BRAP: variants seen among roughly 807,000 people sequenced by gnomAD.
BRAP encodes BRCA1 associated protein.
A neutral mutation model predicts 73.4 loss-of-function variants in BRAP; 42 were observed. That is an observed-to-expected ratio of 0.57 (90% CI 0.45 to 0.74). BRAP has a LOEUF of 0.74. Among genes scored for constraint, BRAP ranks in the 30% least tolerant of loss-of-function variants. The pLI is 0.00. For missense variants in BRAP, 593 were observed against 751.4 expected, an observed-to-expected ratio of 0.79 and a Z score of 2.46; for synonymous variants, 255 against 267.4, an observed-to-expected ratio of 0.95 and a Z score of 0.45.
In BRAP at chr12:111,659,247, G is replaced by A; in HGVS notation, c.1071C>T (p.Ala357=). 6.2e-7 allele frequency: 1 copy of A among 1,614,122 alleles called. No individual in the cohort carries two copies. The highest frequency in any genetic ancestry group is 8.5e-7 in the Non-Finnish European group (1 of 1,180,006). Reference sequence around the variant, plus strand: ...AGACTCGATGGTTGGTAAGCTGCATGGCATACGTGTGCTGCGTTTCCTCAA... The same window carrying A: ...AGACTCGATGGTTGGTAAGCTGCATAGCATACGTGTGCTGCGTTTCCTCAA... The part of the protein sequence containing the change: ...KHFEETQHTY[A]MQLTNHRVWD... Residue 357 remains alanine (A), a synonymous_variant, in exon 8 of 12, where the codon GCC becomes GCT. Transcript: ENST00000419234.
At chr12:111,650,163 G>C in intron 10 of BRAP, 121 bp from the exon 11 acceptor site, 1 of 529,342 alleles carries the variant, frequency 1.9e-6, no homozygotes, top group Non-Finnish European at 3.1e-6. Flanking sequence ...CAAAATTAGA[G>C]AAGGTGAGAT....
intron 5 of BRAP, among the ~76,000 whole-genome samples, chr12:111,667,927 G>A (rs1278401977): frequency 6.6e-6 from 1 of 151,718 alleles, no homozygotes; most frequent in African/African-American, 2.4e-5. Context: ...AAGAAAGCTG[G>A]GGCTGGCACG....
At position 111,655,599 on chromosome 12, in the gene BRAP, C is replaced by T; in HGVS notation, c.1278G>A (p.Lys426=). 6.2e-7 allele frequency: 1 copy of T among 1,613,830 alleles called. No individual in the cohort carries two copies. The part of the protein sequence containing the change: ...LESQRIYWEN[K]IVRIEKDTAE... Reference sequence around the variant, plus strand: ...CTGTGTCCTTCTCTATCCGAACTATCTTGTTTTCCCAGTAGATTCGCTGAG... The same window carrying T: ...CTGTGTCCTTCTCTATCCGAACTATTTTGTTTTCCCAGTAGATTCGCTGAG... Residue 426 remains lysine (K), a synonymous_variant, in exon 10 of 12, where the codon AAG becomes AAA. Coordinates refer to ENST00000419234, the MANE Select transcript of BRAP (RefSeq NM_006768.5).
rs1446052957 is a variant in BRAP at position 111,683,212 on chromosome 12, TA to T, written c.177del (p.Ile60SerfsTer10). On this transcript the variant is annotated frameshift_variant, in exon 2 of 12. Coordinates refer to ENST00000419234, the MANE Select transcript of BRAP (RefSeq NM_006768.5). LOFTEE classifies it high-confidence loss of function. Reference sequence around the variant, plus strand: ...TCTCGACGGCCGAGATGCTGATGGATAATCGCTACTTTCTCTCCTGGTGACT... The same window carrying T: ...TCTCGACGGCCGAGATGCTGATGGATATCGCTACTTTCTCTCCTGGTGACT... Reference protein sequence around the residue: ...EGKSPGEKVAIIHQHLGRREM... With the variant: ...EGKSPGEKVAXIHQHLGRREM... 12 of 1,614,098 alleles carry T rather than the reference TA, an allele frequency of 7.4e-6. No homozygotes were observed. Among genetic ancestry groups the T allele is most frequent in the Non-Finnish European group, 1.0e-5 (12 of 1,180,038 alleles).
intron 5 of BRAP, among the ~76,000 whole-genome samples, chr12:111,666,132 G>T (rs1886933172): frequency 1.3e-5 from 2 of 152,188 alleles, no homozygotes; most frequent in Admixed American, 1.3e-4. Context: ...ATTCATTCAA[G>T]AAACAGGGAT....
intron 6 of BRAP, among the ~76,000 whole-genome samples, 184 bp from the exon 7 acceptor site, chr12:111,660,859 G>A (rs1886723074): frequency 6.6e-6 from 1 of 151,990 alleles, no homozygotes; most frequent in African/African-American, 2.4e-5. Flanking sequence ...ATAAAACAGA[G>A]AACAGAGAAA....
intron 2 of BRAP, among the ~76,000 whole-genome samples, chr12:111,682,236 G>C (rs1477032519): frequency 6.6e-6 from 1 of 152,146 alleles, no homozygotes; most frequent in Non-Finnish European, 1.5e-5. Context: ...AAAATGAGCT[G>C]GCTGGCCGGG....
Position 111,655,603 on chromosome 12 carries a change from T to G in BRAP, c.1274A>C (p.Asn425Thr). 1 of 1,613,942 alleles carries G rather than the reference T, an allele frequency of 6.2e-7. No homozygotes were observed. The highest frequency in any genetic ancestry group is 8.5e-7 in the Non-Finnish European group (1 of 1,179,846). Residue 425 changes from asparagine (N) to threonine (T), a missense_variant, in exon 10 of 12, where the codon AAC becomes ACC. Coordinates refer to ENST00000419234, the MANE Select transcript of BRAP (RefSeq NM_006768.5). ...QLESQRIYWE[N>T]KIVRIEKDTA... ...GTCCTTCTCTATCCGAACTATCTTG[T>G]TTTCCCAGTAGATTCGCTGAGATTC...
chr12:111,672,387 T>C (rs140767680), intron 5 of BRAP, among the ~76,000 whole-genome samples: 95 of 152,352 alleles, frequency 6.2e-4, no homozygotes, highest in African/African-American at 2.2e-3. Flanking sequence ...AAATTCTCTA[T>C]TTTAAAGTAT....
chr12:111,658,970 T>A (rs1035266101), intron 8 of BRAP, 125 bp from the exon 9 acceptor site: 16 of 841,820 alleles, frequency 1.9e-5, no homozygotes, highest in Admixed American at 5.8e-5. Flanking sequence ...TTTAAAAGTG[T>A]CAAATCATTT....
chr12:111,681,884 T>C (rs1339089818), intron 2 of BRAP, 49 bp from the exon 3 acceptor site: 5 of 1,495,616 alleles, frequency 3.3e-6, no homozygotes, highest in Non-Finnish European at 4.5e-6. Context: ...GGACATATGC[T>C]GAAGGATTTG....
intron 5 of BRAP, among the ~76,000 whole-genome samples, chr12:111,670,632 A>G (rs1887132808): frequency 6.6e-6 from 1 of 152,194 alleles, no homozygotes; most frequent in African/African-American, 2.4e-5. Flanking sequence ...CTGAGACTAC[A>G]GGCATCTGCC....
chr12:111,683,517 A>C (rs543826015), intron 1 of BRAP, among the ~76,000 whole-genome samples: 182 of 152,262 alleles, frequency 1.2e-3, no homozygotes, highest in South Asian at 6.4e-3. Context: ...TCAGAAATGC[A>C]GGGCTGTTCT....
chr12:111,667,205 C>T (rs1475873160), intron 5 of BRAP, among the ~76,000 whole-genome samples: 4 of 152,084 alleles, frequency 2.6e-5, no homozygotes, highest in Non-Finnish European at 5.9e-5. Context: ...AACTTAAATG[C>T]TAGTGAACAA....
In BRAP at chr12:111,665,629, C is replaced by G; in HGVS notation, c.896+10G>C. On this transcript the variant is annotated intron_variant, in intron 6 of 11. Coordinates refer to ENST00000419234, the MANE Select transcript of BRAP (RefSeq NM_006768.5). The surrounding 1 kb of genome is among the most constrained non-coding windows in gnomAD (Gnocchi z 4.3). ...GCTTGTACACAGAGGGGTTCGGCCC[C>G]TGCACTCACGTGGTATCGTCCCAGC... 1.2e-6 allele frequency: 2 copies of G among 1,614,150 alleles called. No homozygotes were observed. The highest frequency in any genetic ancestry group is 1.7e-6 in the Non-Finnish European group (2 of 1,180,010).
intron 11 of BRAP, among the ~76,000 whole-genome samples, chr12:111,649,433 G>A (rs1336373345): frequency 1.3e-5 from 2 of 152,176 alleles, no homozygotes; most frequent in Non-Finnish European, 2.9e-5. Flanking sequence ...GATTACAGGC[G>A]TAAGCCACCA....
rs191241453 is a variant in BRAP at position 111,649,024 on chromosome 12, A to C, written c.1415+915T>G. On this transcript the variant is annotated intron_variant, in intron 11 of 11. Coordinates refer to ENST00000419234, the MANE Select transcript of BRAP (RefSeq NM_006768.5). Reference sequence around the variant, plus strand: ...TCCAAAACAACAACAACAACAACAAAAAAAACCCGTCCGGTTTTTACTTTG... The same window carrying C: ...TCCAAAACAACAACAACAACAACAACAAAAACCCGTCCGGTTTTTACTTTG... Among the ~76,000 whole-genome samples, 94 of 152,292 alleles carry C rather than the reference A, an allele frequency of 6.2e-4. No homozygotes were observed. The Middle Eastern group carries it at 0.017, about 28-fold the overall frequency.
At chr12:111,646,398 G>A (rs1184217118) in intron 11 of BRAP, among the ~76,000 whole-genome samples, 1 of 152,204 alleles carries the variant, frequency 6.6e-6, no homozygotes, top group Non-Finnish European at 1.5e-5. Context: ...GCTGAGACAT[G>A]AGAAAAGAGG....
chr12:111,654,365 G>C (rs1269402755), intron 10 of BRAP, among the ~76,000 whole-genome samples: 1 of 151,538 alleles, frequency 6.6e-6, no homozygotes. Flanking sequence ...GCTCAGGCTG[G>C]AGTGCAGTGG....
Sources: gnomAD v4.1 joint callset for allele counts (sites outside exome capture counted in the v4.1 genomes callset) on GRCh38, gnomAD v4.1.1 for gene constraint, Gnocchi (gnomAD v3.1) non-coding constraint, MANE v1.5 for transcripts, NCBI Gene and HGNC (gene_info 2026-07-23, HGNC 2026-07-21) for gene names.